The following IL1RAPL1 variants were observed in gnomAD, a reference collection of about 807,000 sequenced individuals.
The protein encoded by IL1RAPL1 is interleukin-1 receptor accessory protein-like 1.
Under a neutral mutation model 48.4 loss-of-function variants are expected in IL1RAPL1, and 3 were observed. The observed-to-expected ratio is 0.06, with a 90% CI of 0.03 to 0.16. The LOEUF (loss-of-function observed/expected upper bound fraction) is 0.16. Ranked by LOEUF, IL1RAPL1 falls within the 10% of genes least tolerant of loss-of-function variation. The probability of loss-of-function intolerance (pLI) is 1.00; values close to 1 mark genes in which losing one functional copy is unlikely to be tolerated. For synonymous variants in IL1RAPL1, 185 were observed against 187.7 expected (o/e 0.99, Z 0.12); for missense variants, 349 against 530.6 (o/e 0.66, Z 3.36).
At chrX:29,803,299 A>G (rs1400868512) in intron 6 of IL1RAPL1, among the ~76,000 whole-genome samples, 1 of 34,820 alleles carries the variant, frequency 2.9e-5, no homozygotes, top group East Asian at 1.7e-3. Flanking sequence ...ATATATGTAT[A>G]CATATACACA....
chrX:29,809,385 G>T (rs112032976), intron 6 of IL1RAPL1, among the ~76,000 whole-genome samples: 1,953 of 109,761 alleles, frequency 0.018, 41 homozygotes, highest in African/African-American at 0.06. Context: ...TTACAGGCGT[G>T]AGCCACCGTG....
chrX:29,017,549 G>A (rs1926268647), intron 2 of IL1RAPL1, among the ~76,000 whole-genome samples: 1 of 111,717 alleles, frequency 9.0e-6, no homozygotes, highest in African/African-American at 3.3e-5. Flanking sequence ...CACGCTTGGA[G>A]GCTTTGTCAG....
intron 2 of IL1RAPL1, among the ~76,000 whole-genome samples, chrX:29,127,587 A>G (rs771043360): frequency 8.9e-6 from 1 of 111,771 alleles, no homozygotes; most frequent in Non-Finnish European, 1.9e-5. Context: ...CACCAGCCCT[A>G]ATCTCCTTTT....
At chrX:29,017,768 GTTTTTCTGACATAATA>G (rs912745985) in intron 2 of IL1RAPL1, among the ~76,000 whole-genome samples, 33 of 111,934 alleles carry the variant, frequency 2.9e-4, no homozygotes, top group African/African-American at 1.1e-3. Flanking sequence ...GAAATTTGGA[GTTTTTCTGACATAATA>G]TTTGTAAGAT....
chrX:28,813,315 T>C, intron 2 of IL1RAPL1, among the ~76,000 whole-genome samples: 1 of 111,649 alleles, frequency 9.0e-6, no homozygotes. Flanking sequence ...AAATGTGTTA[T>C]TTAATTGCAA....
intron 2 of IL1RAPL1, among the ~76,000 whole-genome samples, chrX:29,197,580 A>T: frequency 8.9e-6 from 1 of 111,847 alleles, no homozygotes; most frequent in South Asian, 3.7e-4. Flanking sequence ...TACATCCTAT[A>T]TTATAGGGCA....
At chrX:29,329,791 C>A (rs1932869578) in intron 3 of IL1RAPL1, among the ~76,000 whole-genome samples, 1 of 100,012 alleles carries the variant, frequency 1.0e-5, no homozygotes, top group African/African-American at 3.8e-5. Flanking sequence ...CCAGCCTGGG[C>A]AACAAGTATG....
chrX:29,112,494 C>T (rs1238931291), intron 2 of IL1RAPL1, among the ~76,000 whole-genome samples: 1 of 103,052 alleles, frequency 9.7e-6, no homozygotes, highest in Non-Finnish European at 2.0e-5. Flanking sequence ...TCAATAGGAA[C>T]AGTCAGGTTT....
At chrX:28,626,656 C>A (rs184569713) in intron 1 of IL1RAPL1, among the ~76,000 whole-genome samples, 116 of 112,374 alleles carry the variant, frequency 1.0e-3, no homozygotes, top group African/African-American at 3.6e-3. Flanking sequence ...AAATACTTTC[C>A]CCCTTGGGAA....
intron 2 of IL1RAPL1, among the ~76,000 whole-genome samples, chrX:29,109,665 T>C (rs1243216416): frequency 1.8e-5 from 2 of 110,559 alleles, no homozygotes; most frequent in Non-Finnish European, 3.8e-5. Flanking sequence ...GGACATTGAG[T>C]ATATAGTGCT....
chrX:29,462,054 A>T (rs1401335980), intron 5 of IL1RAPL1, among the ~76,000 whole-genome samples: 2 of 112,379 alleles, frequency 1.8e-5, no homozygotes, highest in Non-Finnish European at 3.8e-5. Context: ...CTGTTATATG[A>T]GGAGATTATT....
intron 5 of IL1RAPL1, among the ~76,000 whole-genome samples, chrX:29,487,882 C>T (rs764372957): frequency 1.2e-4 from 14 of 112,127 alleles, no homozygotes; most frequent in Non-Finnish European, 2.3e-4. Flanking sequence ...GTGACCTTCA[C>T]ATCTCATACT....
In IL1RAPL1 at chrX:29,608,433, G is replaced by C. The variant is rs189891723; in HGVS notation, c.704-59997G>C. Among the ~76,000 whole-genome samples, 987 of 106,085 alleles carry C rather than the reference G, an allele frequency of 9.3e-3. 10 individuals are homozygous for C. The highest frequency in any genetic ancestry group is 0.033 in the African/African-American group (952 of 28,961). 92.1% of individuals were successfully genotyped at this position (106,085 alleles called of 115,157 possible). On this transcript the variant is annotated intron_variant, in intron 5 of 10. Coordinates refer to ENST00000378993, the MANE Select transcript of IL1RAPL1 (RefSeq NM_014271.4). ...GAAGGATGGGAGAAAGAAAGGAAGAGGAAAGGGAGAAAGAAAGGAAGAGGA... is the reference window on the plus strand; with the variant it reads ...GAAGGATGGGAGAAAGAAAGGAAGACGAAAGGGAGAAAGAAAGGAAGAGGA...
At chrX:29,703,167 A>G (rs1015469038) in intron 6 of IL1RAPL1, among the ~76,000 whole-genome samples, 1 of 111,611 alleles carries the variant, frequency 9.0e-6, no homozygotes, top group African/African-American at 3.3e-5. Context: ...TGGATTTTAT[A>G]TATACGCACT....
intron 5 of IL1RAPL1, among the ~76,000 whole-genome samples, chrX:29,586,606 T>C (rs113015965): frequency 3.6e-5 from 4 of 111,827 alleles, no homozygotes; most frequent in African/African-American, 9.7e-5. Flanking sequence ...ATGAATTGCA[T>C]TGAATCTATA....
At chrX:28,682,252 T>C (rs1357946742) in intron 1 of IL1RAPL1, among the ~76,000 whole-genome samples, 1 of 111,885 alleles carries the variant, frequency 8.9e-6, no homozygotes, top group Non-Finnish European at 1.9e-5. Flanking sequence ...CTCTGAAGAT[T>C]AATGTATAAG....
chrX:29,817,377 C>T (rs1309773715), intron 6 of IL1RAPL1, among the ~76,000 whole-genome samples: 1 of 111,419 alleles, frequency 9.0e-6, no homozygotes, highest in Non-Finnish European at 1.9e-5. Context: ...AATTTCTACT[C>T]GTTAACCAAT....
chrX:29,350,822 G>T (rs1933221618), intron 3 of IL1RAPL1, among the ~76,000 whole-genome samples: 1 of 111,338 alleles, frequency 9.0e-6, no homozygotes, highest in African/African-American at 3.3e-5. Context: ...GAAGTACGTT[G>T]GTCTTTAGAA....
chrX:29,100,825 G>A (rs945675017), intron 2 of IL1RAPL1, among the ~76,000 whole-genome samples: 1 of 111,658 alleles, frequency 9.0e-6, no homozygotes, highest in African/African-American at 3.3e-5. Flanking sequence ...GTTTAAGTTA[G>A]ATAACTTATG....
Sources: allele counts gnomAD v4.1 joint callset (sites outside exome capture counted in the v4.1 genomes callset), GRCh38; gene constraint gnomAD v4.1.1; transcripts MANE v1.5; gene names NCBI Gene and HGNC (gene_info 2026-07-23, HGNC 2026-07-21).